The following USO1 variants were observed in gnomAD, a reference collection of about 807,000 sequenced individuals.
USO1 encodes USO1 vesicle transport factor, also known as general vesicular transport factor p115.
USO1 carries 57 observed loss-of-function variants against 124.5 expected under a neutral mutation model. The observed-to-expected ratio is 0.46, with a 90% CI of 0.37 to 0.57. USO1 has a LOEUF of 0.57. Among genes scored for constraint, USO1 ranks in the 20% least tolerant of loss-of-function variants. The probability of loss-of-function intolerance (pLI) is 0.00; values close to 1 mark genes in which losing one functional copy is unlikely to be tolerated. For synonymous variants in USO1, 369 were observed against 362.8 expected (o/e 1.02, Z -0.19); for missense variants, 900 against 1,040.6 (o/e 0.86, Z 1.86).
intron 22 of USO1, among the ~76,000 whole-genome samples, chr4:75,811,503 A>G (rs1723148146): frequency 6.6e-6 from 1 of 152,186 alleles, no homozygotes; most frequent in Non-Finnish European, 1.5e-5. Context: ...TAACAAAACA[A>G]GGAGTACAAA....
chr4:75,742,195 T>C (rs1045677070), intron 1 of USO1, among the ~76,000 whole-genome samples: 2 of 152,242 alleles, frequency 1.3e-5, no homozygotes, highest in Non-Finnish European at 2.9e-5. Flanking sequence ...CAGTCATTTG[T>C]TACTGTTATC....
At chr4:75,728,352 G>A (rs1441913737) in intron 1 of USO1, among the ~76,000 whole-genome samples, 1 of 152,162 alleles carries the variant, frequency 6.6e-6, no homozygotes, top group Non-Finnish European at 1.5e-5. Context: ...CTTCAGGCCG[G>A]GGGCTCACGC....
intron 4 of USO1, among the ~76,000 whole-genome samples, chr4:75,767,258 G>A (rs552918384): frequency 1.0e-3 from 159 of 152,218 alleles, no homozygotes; most frequent in African/African-American, 3.6e-3. Flanking sequence ...AAATGTGCAT[G>A]TCCAACCCAG....
At chr4:75,781,678 A>C (rs962513902) in intron 8 of USO1, among the ~76,000 whole-genome samples, 1 of 152,160 alleles carries the variant, frequency 6.6e-6, no homozygotes, top group Admixed American at 6.5e-5. Flanking sequence ...TAGAACCAAT[A>C]AGTAGATGTC....
chr4:75,800,457 A>G lies in USO1; in HGVS notation c.1670A>G (p.Glu557Gly). 6.3e-7 allele frequency: 1 copy of G among 1,591,026 alleles called. No individual in the cohort carries two copies. The highest frequency in any genetic ancestry group is 8.6e-7 in the Non-Finnish European group (1 of 1,168,244). ...ISIYFNDNSL[E>G]SYMKEKLKQL... is the part of the protein sequence containing the mutation. ...ATTTATTTCAATGATAACTCACTTG[A>G]GAGCTACATGAAGTAAGTAAGGGGA... The change falls in exon 15 of 24, where the codon GAG becomes GGG. Residue 557 changes from glutamate to glycine, a missense_variant. Transcript: ENST00000514213.
At chr4:75,798,559 T>G (rs1722754809) in intron 13 of USO1, among the ~76,000 whole-genome samples, 1 of 152,216 alleles carries the variant, frequency 6.6e-6, no homozygotes, top group Non-Finnish European at 1.5e-5. Flanking sequence ...AGTGCTTACC[T>G]GGCAAATCAT....
chr4:75,729,944 T>A (rs1577920294), intron 1 of USO1: 1 of 408,306 alleles, frequency 2.4e-6, no homozygotes, highest in East Asian at 7.9e-5. Flanking sequence ...TTTCGTTTAG[T>A]CAAGCACATT....
chr4:75,809,154 C>T, intron 21 of USO1, 103 bp downstream of exon 21: 1 of 1,334,844 alleles, frequency 7.5e-7, no homozygotes, highest in Non-Finnish European at 9.8e-7. Flanking sequence ...ATAGCACCTT[C>T]TCTTTAGATT....
rs377623303 is a variant in USO1, at chr4:75,810,462, G to A, written c.2506G>A (p.Glu836Lys). 1.8e-5 allele frequency: 29 copies of A among 1,612,552 alleles called. No individual in the cohort carries two copies. Among genetic ancestry groups the A allele is most frequent in the African/African-American group, 5.3e-5 (4 of 74,976 alleles). ...ATCAGTTGAGGTACAAGGAGAGACC[G>A]AGACTATAATAGCCACCAAAACTAC... ...AKSVEVQGET[E>K]TIIATKTTDV... The change falls in exon 22 of 24, where the codon GAG becomes AAG. Residue 836 changes from glutamate (E) to lysine (K), a missense_variant. Physicochemically the swap from Glu to Lys is moderately conservative, Grantham distance 56. Transcript: ENST00000514213.
intron 12 of USO1, among the ~76,000 whole-genome samples, chr4:75,792,212 C>T (rs1387960721): frequency 6.6e-6 from 1 of 151,836 alleles, no homozygotes; most frequent in Non-Finnish European, 1.5e-5. Context: ...ACAGCTTGGG[C>T]AACATAGTGA....
At position 75,771,838 on chromosome 4, in the gene USO1, A is replaced by G. The variant is rs78555412; in HGVS notation, c.555+701A>G. Among the ~76,000 whole-genome samples the G allele has an allele frequency of 7.9e-3, 1,199 of 152,342 alleles. 17 individuals carry two copies. Among genetic ancestry groups the G allele is most frequent in the African/African-American group, 0.027 (1,127 of 41,584 alleles). On this transcript the variant is annotated intron_variant, in intron 7 of 23. Transcript: ENST00000514213. ...GCATTTTTCTCTATTGTTACCTACA[A>G]CTTGATAAAAATTCTGTAATATTTA...
chr4:75,753,801 T>TG (rs1721353938), intron 3 of USO1, among the ~76,000 whole-genome samples: 1 of 148,992 alleles, frequency 6.7e-6, no homozygotes, highest in Non-Finnish European at 1.5e-5. Flanking sequence ...TTTTTTTTTT[T>TG]GAGATTAAGT....
chr4:75,801,065 G>A lies in USO1; in HGVS notation c.1865-14G>A, dbSNP rs746977229. On this transcript the variant is annotated splice_polypyrimidine_tract_variant and intron_variant, in intron 16 of 23. Transcript: ENST00000514213. Reference sequence around the variant, plus strand: ...AACATTTAAAACAAATTTTAAATAAGCTTCCTTTTATAGGTGTTATAACTA... The same window carrying A: ...AACATTTAAAACAAATTTTAAATAAACTTCCTTTTATAGGTGTTATAACTA... 4 of 1,512,640 alleles carry A rather than the reference G, an allele frequency of 2.6e-6. No individual in the cohort carries two copies. In the East Asian group the frequency reaches 7.3e-5, roughly 28 times the overall value. 93.7% of individuals were successfully genotyped at this position (1,512,640 alleles called of 1,614,324 possible).
rs1003968327 is a variant in USO1 at position 75,752,604 on chromosome 4, G to A, written c.218G>A (p.Arg73His). The A allele has an allele frequency of 1.5e-5, 6 of 398,194 alleles. No individual in the cohort carries two copies. Among genetic ancestry groups the A allele is most frequent in the East Asian group, 1.1e-4 (3 of 28,058 alleles). The allele number at this position is 398,194 out of a possible 1,614,324, so 24.7% of individuals were successfully genotyped here. The change falls in exon 3 of 24, where the codon CGT (arginine) becomes CAT (histidine). Residue 73 changes from arginine to histidine, a missense_variant and splice_region_variant. Physicochemically the swap from Arg to His is conservative, Grantham distance 29. Coordinates refer to ENST00000514213, the MANE Select transcript of USO1 (RefSeq NM_003715.4). The part of the protein sequence containing the change: ...EHLIHVLQTD[R>H]SDSEIIGYAL... ...CTTATTCATGTTTTACAAACAGATC[G>A]GTAAGTCTCTGTTTAATGATTTTTT...
chr4:75,734,168 TCTC>T (rs959778418), intron 1 of USO1, among the ~76,000 whole-genome samples: 3 of 152,050 alleles, frequency 2.0e-5, no homozygotes, highest in Non-Finnish European at 4.4e-5. Flanking sequence ...ATGGTCTCGA[TCTC>T]CTGACCTCGT....
At chr4:75,785,158 T>C (rs569072969) in intron 9 of USO1, among the ~76,000 whole-genome samples, 16 of 152,278 alleles carry the variant, frequency 1.1e-4, no homozygotes, top group Admixed American at 9.2e-4. Context: ...TATTATACAC[T>C]AAATAAAAAT....
intron 9 of USO1, among the ~76,000 whole-genome samples, chr4:75,783,733 G>T (rs1375946536): frequency 6.6e-6 from 1 of 152,076 alleles, no homozygotes. Context: ...GTCCCAGTTT[G>T]CCAGTACATT....
At chr4:75,774,642 G>A in intron 7 of USO1, 34 bp from the exon 8 acceptor site, 7 of 1,532,814 alleles carry the variant, frequency 4.6e-6, no homozygotes, top group African/African-American at 4.3e-5. Context: ...CATAAATTTT[G>A]TACTCCACTA....
chr4:75,741,635 C>T (rs1413311474), intron 1 of USO1, among the ~76,000 whole-genome samples: 1 of 119,782 alleles, frequency 8.3e-6, no homozygotes, highest in African/African-American at 3.2e-5. Flanking sequence ...GAGACAGTCT[C>T]GCTCTGTCAG....
Sources: allele counts gnomAD v4.1 joint callset (sites outside exome capture counted in the v4.1 genomes callset), GRCh38; gene constraint gnomAD v4.1.1; transcripts MANE v1.5; gene names NCBI Gene and HGNC (gene_info 2026-07-23, HGNC 2026-07-21).